The following SEPTIN7 variants were observed in gnomAD, a reference collection of about 807,000 sequenced individuals.
The protein encoded by SEPTIN7 is septin 7, also known as septin-7.
SEPTIN7 carries 10 observed loss-of-function variants against 63.3 expected under a neutral mutation model. The observed-to-expected ratio is 0.16, with a 90% CI of 0.10 to 0.27. The LOEUF is 0.27. Ranked by LOEUF, SEPTIN7 falls within the 10% of genes least tolerant of loss-of-function variation. The pLI is 1.00. For missense variants in SEPTIN7, 310 were observed against 521.0 expected (o/e 0.59, Z 3.94); for synonymous variants, 131 against 165.3 (o/e 0.79, Z 1.59).
At chr7:35,819,296 C>G (rs1789269188) in intron 1 of SEPTIN7, among the ~76,000 whole-genome samples, 1 of 152,120 alleles carries the variant, frequency 6.6e-6, no homozygotes, top group Admixed American at 6.6e-5. Flanking sequence ...ACTTCATTCT[C>G]TAGTGGATGA....
chr7:35,870,202 T>C (rs183456420), intron 4 of SEPTIN7, among the ~76,000 whole-genome samples: 250 of 152,332 alleles, frequency 1.6e-3, no homozygotes, highest in African/African-American at 5.7e-3. Context: ...GAAAAGAAGC[T>C]TTATAAACAT....
chr7:35,856,142 TCA>T (rs1785191831), intron 3 of SEPTIN7, among the ~76,000 whole-genome samples: 2 of 152,240 alleles, frequency 1.3e-5, no homozygotes, highest in South Asian at 4.1e-4. Flanking sequence ...TCCTCATAGT[TCA>T]TACTCTTATA....
chr7:35,850,927 G>A (rs1305728994), intron 3 of SEPTIN7, among the ~76,000 whole-genome samples: 2 of 152,144 alleles, frequency 1.3e-5, no homozygotes. Context: ...GAGATGCTGA[G>A]TAAAACAAAG....
At chr7:35,848,100 C>T (rs1019501699) in intron 3 of SEPTIN7, 4 of 152,176 alleles carry the variant, frequency 2.6e-5, no homozygotes, top group African/African-American at 9.6e-5. Context: ...TTGTAGAGCC[C>T]TTTGCTGTGT....
chr7:35,844,282 G>A (rs1490563443), intron 3 of SEPTIN7, among the ~76,000 whole-genome samples: 1 of 152,152 alleles, frequency 6.6e-6, no homozygotes, highest in Non-Finnish European at 1.5e-5. Context: ...GATTTATGTG[G>A]TAACTTTATT....
chr7:35,888,760 TAGTG>T (rs755966828), intron 10 of SEPTIN7: 10 of 225,668 alleles, frequency 4.4e-5, no homozygotes, highest in East Asian at 2.3e-4. Flanking sequence ...GCAGAGATTG[TAGTG>T]AGCTGAGATC....
intron 1 of SEPTIN7, among the ~76,000 whole-genome samples, chr7:35,804,883 C>T (rs1357330740): frequency 7.3e-6 from 1 of 137,688 alleles, no homozygotes; most frequent in African/African-American, 2.8e-5. Context: ...GCTGCCCATG[C>T]TGGAGTGCAA....
intron 3 of SEPTIN7, among the ~76,000 whole-genome samples, chr7:35,851,977 C>A (rs1220330891): frequency 6.6e-6 from 1 of 152,194 alleles, no homozygotes; most frequent in African/African-American, 2.4e-5. Flanking sequence ...CTTTACCCCC[C>A]TGCATCCCTG....
At chr7:35,850,234 G>C (rs1784894202) in intron 3 of SEPTIN7, among the ~76,000 whole-genome samples, 1 of 152,088 alleles carries the variant, frequency 6.6e-6, no homozygotes, top group Non-Finnish European at 1.5e-5. Context: ...CTCTTAATAG[G>C]TTTCATTTGA....
intron 3 of SEPTIN7, among the ~76,000 whole-genome samples, chr7:35,845,632 A>G (rs1165417513): frequency 1.3e-5 from 2 of 152,182 alleles, no homozygotes; most frequent in Non-Finnish European, 2.9e-5. Context: ...TTACCTGTCT[A>G]TTCTGTGCAG....
downstream of SEPTIN7, among the ~76,000 whole-genome samples, chr7:35,912,063 C>T (rs565349980): frequency 3.4e-4 from 51 of 152,114 alleles, no homozygotes; most frequent in Non-Finnish European, 5.1e-4. Flanking sequence ...AGTAGCTCAC[C>T]GTGACAAAGC....
At chr7:35,869,193 GAGAC>G (rs1263498231) in intron 4 of SEPTIN7, among the ~76,000 whole-genome samples, 1 of 152,168 alleles carries the variant, frequency 6.6e-6, no homozygotes, top group African/African-American at 2.4e-5. Context: ...TCAGTGTAAG[GAGAC>G]AGGGATATGA....
chr7:35,884,095 T>G (rs1787073770), intron 9 of SEPTIN7, 108 bp downstream of exon 9: 1 of 598,768 alleles, frequency 1.7e-6, no homozygotes, highest in Admixed American at 2.8e-5. Flanking sequence ...ATAGTCTAGA[T>G]TTTCAAGGAT....
chr7:35,811,358 A>T (rs1373106318), intron 1 of SEPTIN7, among the ~76,000 whole-genome samples: 1 of 152,224 alleles, frequency 6.6e-6, no homozygotes. Flanking sequence ...ATAAAAATTT[A>T]GTATATAAAC....
In SEPTIN7 at chr7:35,864,935, A is replaced by G. The variant is rs1562559345; in HGVS notation, c.276+1277A>G. The stretch of plus-strand genomic sequence containing the variant: ...TGGGCAGTAACTCATATATCAAACT[A>G]TAAGATGCAGTTTAGTAACTAGATC... On this transcript the variant is annotated intron_variant, in intron 4 of 13. Coordinates refer to ENST00000350320, the MANE Select transcript of SEPTIN7 (RefSeq NM_001788.6). Among the ~76,000 whole-genome samples the G allele has an allele frequency of 1.3e-5, 2 of 152,208 alleles. 1 individual carries two copies. The highest frequency in any genetic ancestry group is 4.1e-4 in the South Asian group (2 of 4,826).
chr7:35,828,879 G>A (rs1169149786), intron 1 of SEPTIN7, among the ~76,000 whole-genome samples: 1 of 152,098 alleles, frequency 6.6e-6, no homozygotes, highest in East Asian at 1.9e-4. Flanking sequence ...TCTCGCCTTG[G>A]CCTCCCAAAG....
intron 10 of SEPTIN7, among the ~76,000 whole-genome samples, chr7:35,889,519 G>A (rs1787505600): frequency 6.6e-6 from 1 of 152,174 alleles, no homozygotes; most frequent in Non-Finnish European, 1.5e-5. Context: ...CTGGTTGTAA[G>A]GAATGATAAA....
At chr7:35,873,106 A>G (rs980950709) in intron 5 of SEPTIN7, among the ~76,000 whole-genome samples, 8 of 152,112 alleles carry the variant, frequency 5.3e-5, no homozygotes, top group African/African-American at 1.7e-4. Flanking sequence ...TTCTATCTCA[A>G]TCCTAATTTA....
At chr7:35,837,477 C>T (rs1348882365) in intron 3 of SEPTIN7, among the ~76,000 whole-genome samples, 4 of 151,994 alleles carry the variant, frequency 2.6e-5, no homozygotes, top group African/African-American at 4.8e-5. Context: ...TATAGTTATA[C>T]CTTTGCTTCA....
Sources: gnomAD v4.1 joint callset for allele counts (sites outside exome capture counted in the v4.1 genomes callset) on GRCh38, gnomAD v4.1.1 for gene constraint, MANE v1.5 for transcripts, NCBI Gene and HGNC (gene_info 2026-07-23, HGNC 2026-07-21) for gene names.